Variants in CHRM3 observed in about 807,000 individuals in gnomAD.
The protein encoded by CHRM3 is cholinergic receptor muscarinic 3.
CHRM3 carries 11 observed loss-of-function variants against 41.8 expected under a neutral mutation model. The observed-to-expected ratio is 0.26, with a 90% CI of 0.17 to 0.44. CHRM3 has a LOEUF of 0.44. Ranked by LOEUF, CHRM3 falls within the 20% of genes least tolerant of loss-of-function variation. CHRM3 has a pLI of 1.00. For synonymous variants in CHRM3, 297 were observed against 301.4 expected (o/e 0.99, Z 0.15); for missense variants, 571 against 745.4 (o/e 0.77, Z 2.72).
intron 3 of CHRM3, among the ~76,000 whole-genome samples, chr1:239,577,186 T>C (rs1662449032): frequency 6.6e-6 from 1 of 152,148 alleles, no homozygotes; most frequent in Non-Finnish European, 1.5e-5. Context: ...CTATTTTCTT[T>C]CTCTTCCCCA....
At chr1:239,442,934 G>A (rs79579227) in intron 1 of CHRM3, among the ~76,000 whole-genome samples, 1 of 152,320 alleles carries the variant, frequency 6.6e-6, no homozygotes, top group East Asian at 1.9e-4. Context: ...AACAATGACT[G>A]TAGTTTAATC....
intron 4 of CHRM3, among the ~76,000 whole-genome samples, chr1:239,643,732 A>G (rs577604938): frequency 8.7e-4 from 133 of 152,310 alleles, no homozygotes; most frequent in African/African-American, 2.6e-3. Context: ...AAGTGAGGCA[A>G]TGCCTCAACC....
rs2148078141 is a variant in CHRM3, at chr1:239,699,922, A to G, written c.-147+21634A>G. On this transcript the variant is annotated intron_variant, in intron 5 of 6. Transcript: ENST00000676153. ...TATATTTGATAACACCCTTAAGAAA[A>G]TAGGGAAGAAAATTAGGTTTATTTT... 1.3e-5 allele frequency among the ~76,000 whole-genome samples: 2 copies of G among 152,268 alleles called. 1 individual carries two copies. The highest frequency in any genetic ancestry group is 4.8e-5 in the African/African-American group (2 of 41,548).
intron 6 of CHRM3, among the ~76,000 whole-genome samples, chr1:239,835,609 G>A (rs1182150049): frequency 6.6e-6 from 1 of 152,148 alleles, no homozygotes; most frequent in Non-Finnish European, 1.5e-5. Context: ...TTAAACAATG[G>A]TTTTCAAATT....
chr1:239,905,185 G>T (rs112830899), intron 6 of CHRM3, among the ~76,000 whole-genome samples: 61 of 152,270 alleles, frequency 4.0e-4, no homozygotes, highest in African/African-American at 1.4e-3. Flanking sequence ...CCTTAAGGAG[G>T]CGTGTGATGA....
chr1:239,442,926 C>A (rs1663844661), intron 1 of CHRM3, among the ~76,000 whole-genome samples: 1 of 152,152 alleles, frequency 6.6e-6, no homozygotes, highest in Non-Finnish European at 1.5e-5. Context: ...GTAGAAGGAA[C>A]AATGACTGTA....
rs578098483 is a variant in CHRM3 at position 239,543,518 on chromosome 1, T to A, written c.-421-2123T>A. 1.2e-3 allele frequency among the ~76,000 whole-genome samples: 183 copies of A among 151,990 alleles called. 1 individual carries two copies. The highest frequency in any genetic ancestry group is 1.6e-3 in the Admixed American group (25 of 15,262). Reference sequence around the variant, plus strand: ...ATCAGCAACCGATTTATTTTATTTTTTTTTTTTGTGATGGAGTCTCACTCA... The same window carrying A: ...ATCAGCAACCGATTTATTTTATTTTATTTTTTTGTGATGGAGTCTCACTCA... On this transcript the variant is annotated intron_variant, in intron 2 of 6. Transcript: ENST00000676153.
intron 2 of CHRM3, among the ~76,000 whole-genome samples, chr1:239,498,533 G>A (rs1668026058): frequency 6.6e-6 from 1 of 152,098 alleles, no homozygotes; most frequent in Non-Finnish European, 1.5e-5. Flanking sequence ...ATCTACAGAA[G>A]ACCACAACTT....
At chr1:239,643,848 C>T (rs539240263) in intron 4 of CHRM3, among the ~76,000 whole-genome samples, 181 of 152,324 alleles carry the variant, frequency 1.2e-3, no homozygotes, top group Middle Eastern at 6.8e-3. Flanking sequence ...CAGAAATCAC[C>T]TGTCTTCTGC....
chr1:239,683,410 G>A (rs1380824146), intron 5 of CHRM3, among the ~76,000 whole-genome samples: 2 of 152,182 alleles, frequency 1.3e-5, no homozygotes, highest in African/African-American at 2.4e-5. Context: ...GAGAGACATC[G>A]TTTTTAAAGG....
At chr1:239,612,257 A>G (rs1667158756) in intron 3 of CHRM3, among the ~76,000 whole-genome samples, 1 of 152,196 alleles carries the variant, frequency 6.6e-6, no homozygotes, top group South Asian at 2.1e-4. Context: ...TATTTTAATT[A>G]ATATATCACA....
intron 3 of CHRM3, among the ~76,000 whole-genome samples, chr1:239,618,439 T>C (rs1259596815): frequency 6.8e-6 from 1 of 146,962 alleles, no homozygotes; most frequent in Non-Finnish European, 1.5e-5. Context: ...AGGAGGTTTG[T>C]TTTCAAGTCA....
intron 5 of CHRM3, among the ~76,000 whole-genome samples, chr1:239,693,600 AT>A (rs1334132951): frequency 6.6e-6 from 1 of 152,112 alleles, no homozygotes; most frequent in African/African-American, 2.4e-5. Context: ...TAATTATATT[AT>A]TTTTGAATTG....
chr1:239,703,145 A>T (rs185907645), intron 5 of CHRM3: 2 of 152,140 alleles, frequency 1.3e-5, no homozygotes, highest in Non-Finnish European at 2.9e-5. Flanking sequence ...CTCCTGGGAA[A>T]TTCTTTTTTG....
chr1:239,718,457 G>T (rs1013660306), intron 5 of CHRM3, among the ~76,000 whole-genome samples: 1 of 151,964 alleles, frequency 6.6e-6, no homozygotes, highest in South Asian at 2.1e-4. Flanking sequence ...AGAGCTATTT[G>T]TTTCTAATTG....
At chr1:239,706,322 CT>C (rs2148152558) in intron 5 of CHRM3, 1 of 151,940 alleles carries the variant, frequency 6.6e-6, no homozygotes, top group South Asian at 2.1e-4. Context: ...GGATACTTTC[CT>C]TTAAAATCCA....
At position 239,819,363 on chromosome 1, in the gene CHRM3, T is replaced by G. The variant is rs147069579; in HGVS notation, c.-146-7889T>G. Among the ~76,000 whole-genome samples the G allele has an allele frequency of 5.7e-4, 87 of 152,242 alleles. 1 individual carries two copies. The East Asian group carries it at 0.013, about 23-fold the overall frequency. ...GATCAACACTTTACACATTCTGAGG[T>G]TTCCACTGTTTCTTCCGATCAGCTA... On this transcript the variant is annotated intron_variant, in intron 5 of 6. Transcript: ENST00000676153.
chr1:239,641,688 C>T (rs1439396047), intron 4 of CHRM3, among the ~76,000 whole-genome samples: 2 of 145,826 alleles, frequency 1.4e-5, no homozygotes, highest in Non-Finnish European at 3.0e-5. Context: ...TTCCTGAATA[C>T]AGCACACTGC....
chr1:239,888,142 G>T (rs12032596), intron 6 of CHRM3, among the ~76,000 whole-genome samples: 37,575 of 151,914 alleles, frequency 0.25, 5,181 homozygotes, highest in South Asian at 0.35. Flanking sequence ...CAGGAGGATT[G>T]CTTGAGCCCA....
Sources: gnomAD v4.1 joint callset for allele counts (sites outside exome capture counted in the v4.1 genomes callset) on GRCh38, gnomAD v4.1.1 for gene constraint, MANE v1.5 for transcripts, NCBI Gene and HGNC (gene_info 2026-07-23, HGNC 2026-07-21) for gene names.